ARHGAP40: variants seen among roughly 807,000 people sequenced by gnomAD.
The protein encoded by ARHGAP40 is Rho GTPase activating protein 40.
In ARHGAP40, 43 loss-of-function variants were observed where a neutral mutation model predicts 73.5. The observed-to-expected ratio is 0.58, with a 90% CI of 0.46 to 0.75. The LOEUF (loss-of-function observed/expected upper bound fraction) is 0.75. ARHGAP40 is among the 30% of genes least tolerant of loss of function. ARHGAP40 has a pLI of 0.00. For synonymous variants in ARHGAP40, 300 were observed against 352.8 expected, an observed-to-expected ratio of 0.85 and a Z score of 1.68; for missense variants, 734 against 861.8, an observed-to-expected ratio of 0.85 and a Z score of 1.86.
At chr20:38,624,547 G>A (rs1038802044) in intron 2 of ARHGAP40, among the ~76,000 whole-genome samples, 2 of 152,098 alleles carry the variant, frequency 1.3e-5, no homozygotes, top group African/African-American at 4.8e-5. Context: ...CCTCCTCTCT[G>A]CCTCTTCTCC....
intron 9 of ARHGAP40, among the ~76,000 whole-genome samples, chr20:38,641,060 G>A (rs1233340929): frequency 1.3e-5 from 2 of 150,372 alleles, no homozygotes; most frequent in African/African-American, 2.4e-5. Context: ...GTTGATAAGT[G>A]AGAGAAGGAA....
At chr20:38,612,032 C>T (rs935674982) in intron 1 of ARHGAP40, among the ~76,000 whole-genome samples, 9 of 152,074 alleles carry the variant, frequency 5.9e-5, no homozygotes, top group Non-Finnish European at 1.2e-4. Flanking sequence ...TCTAAAACTT[C>T]TAATATGATC....
intron 1 of ARHGAP40, among the ~76,000 whole-genome samples, chr20:38,604,438 C>T (rs549365101): frequency 6.6e-5 from 10 of 151,462 alleles, no homozygotes; most frequent in South Asian, 2.1e-4. Context: ...CTCCGTTGCC[C>T]AGGCTGGAGT....
chr20:38,639,296 G>C (rs2145611574), exon 9 of ARHGAP40: 2 of 1,305,492 alleles, frequency 1.5e-6, no homozygotes, highest in Non-Finnish European at 2.0e-6. Context: ...TCATCACAAT[G>C]ACGCCTCTGA....
exon 1 of ARHGAP40, chr20:38,601,883 A>G: frequency 7.8e-7 from 1 of 1,285,324 alleles, no homozygotes; most frequent in East Asian, 5.6e-5. Flanking sequence ...CACATTGCCG[A>G]TCGAGTCAGC....
chr20:38,605,760 A>G (rs2088767603), intron 1 of ARHGAP40, among the ~76,000 whole-genome samples: 1 of 152,250 alleles, frequency 6.6e-6, no homozygotes, highest in Non-Finnish European at 1.5e-5. Context: ...AAATGTATCT[A>G]TGATCCAATC....
At position 38,627,271 on chromosome 20, in the gene ARHGAP40, G is replaced by A. The variant is rs564800015; in HGVS notation, c.558+56G>A. 1.4e-5 allele frequency: 18 copies of A among 1,276,068 alleles called. No individual in the cohort carries two copies. In the African/African-American group the frequency reaches 1.5e-4, roughly 11 times the overall value. 79.0% of individuals were successfully genotyped at this position (1,276,068 alleles called of 1,614,324 possible). On this transcript the variant is annotated intron_variant, in intron 3 of 14. Transcript: ENST00000373345. ...GTCTGACTGGGATCTCTGTGCTGCC[G>A]CCACAGCCTGAGAGATGCAGTGATC...
intron 2 of ARHGAP40, among the ~76,000 whole-genome samples, chr20:38,626,791 A>G (rs921268735): frequency 6.6e-6 from 1 of 151,508 alleles, no homozygotes; most frequent in Non-Finnish European, 1.5e-5. Flanking sequence ...TGCTATCAGT[A>G]CCCCCCACCC....
exon 2 of ARHGAP40, chr20:38,623,365 C>G (rs773167468): frequency 2.3e-6 from 3 of 1,288,496 alleles, no homozygotes; most frequent in Non-Finnish European, 3.0e-6. Flanking sequence ...ACAGCTCTGG[C>G]CCCTCCTCAG....
rs1311995793 is a variant in ARHGAP40, at chr20:38,608,300, C to CACTG, written c.137+6225_137+6228dup. Among the ~76,000 whole-genome samples the CACTG allele has an allele frequency of 3.3e-5, 5 of 152,238 alleles. No homozygotes were observed. The East Asian group carries it at 7.7e-4, about 23-fold the overall frequency. ...CATATCTCATTTCCTCCCAGACATT[C>CACTG]ACTGACTTGTTTCTTTAAAACTGAG... On this transcript the variant is annotated intron_variant, in intron 1 of 14. Coordinates refer to ENST00000373345, the Ensembl canonical transcript of ARHGAP40.
intron 1 of ARHGAP40, among the ~76,000 whole-genome samples, chr20:38,608,336 A>G (rs376615789): frequency 3.3e-5 from 5 of 151,330 alleles, no homozygotes; most frequent in Non-Finnish European, 5.9e-5. Flanking sequence ...TTTCAACACC[A>G]CCTCCTCCAG....
Position 38,634,133 on chromosome 20 carries a change from C to T in ARHGAP40, c.784-487C>T, listed in dbSNP as rs569128494. Among the ~76,000 whole-genome samples the T allele has an allele frequency of 3.9e-5, 6 of 152,240 alleles. No homozygotes were observed. The South Asian group carries it at 1.0e-3, about 26-fold the overall frequency. ...TTGGGAGGCTGAGGTGGGAGAATTG[C>T]TTGAGCCCAGGTGTCTGAGACCAGC... On this transcript the variant is annotated intron_variant, in intron 5 of 14. Transcript: ENST00000373345.
Position 38,647,065 on chromosome 20 carries a change from C to G in ARHGAP40, c.1819C>G (p.His607Asp), listed in dbSNP as rs529285732. 4 of 1,305,358 alleles carry G rather than the reference C, an allele frequency of 3.1e-6. No homozygotes were observed. In the East Asian group the frequency reaches 2.2e-4, roughly 72 times the overall value. 80.9% of individuals were successfully genotyped at this position (1,305,358 alleles called of 1,614,324 possible). Residue 607 changes from histidine (H) to aspartate (D), a missense_variant, in exon 13 of 15, where the codon CAC becomes GAC. Coordinates refer to ENST00000373345, the Ensembl canonical transcript of ARHGAP40. The stretch of plus-strand genomic sequence containing the variant: ...CCACGTCCTGAGGCAGTTCACAGAG[C>G]ACCTCAGCCCTGGTTCCAAGGGTCA...
At chr20:38,628,834 A>T in intron 3 of ARHGAP40, 93 bp from the exon 4 acceptor site, 1 of 911,866 alleles carries the variant, frequency 1.1e-6, no homozygotes, top group Non-Finnish European at 1.5e-6. Context: ...CCATCTGTGA[A>T]AAGGGGTTGT....
exon 9 of ARHGAP40, chr20:38,639,382 G>A (rs1415898692): frequency 2.3e-6 from 3 of 1,305,384 alleles, no homozygotes; most frequent in Non-Finnish European, 3.0e-6. Flanking sequence ...TCGCCGTGGT[G>A]CCTAGTGAGT....
At chr20:38,620,894 A>G (rs1247807087) in intron 1 of ARHGAP40, among the ~76,000 whole-genome samples, 6 of 152,244 alleles carry the variant, frequency 3.9e-5, no homozygotes, top group Non-Finnish European at 8.8e-5. Context: ...GCCACAAGCC[A>G]GGGTCTACGG....
In ARHGAP40 at chr20:38,649,737, T is replaced by C; in HGVS notation, c.1937-20T>C. The C allele has an allele frequency of 7.7e-7, 1 of 1,300,092 alleles. No individual in the cohort carries two copies. Among genetic ancestry groups the C allele is most frequent in the Non-Finnish European group, 1.0e-6 (1 of 984,266 alleles). 80.5% of individuals were successfully genotyped at this position (1,300,092 alleles called of 1,614,324 possible). On this transcript the variant is annotated intron_variant, in intron 14 of 14. Transcript: ENST00000373345. The stretch of plus-strand genomic sequence containing the variant: ...TCCTACAGCCTCCCACTCAACCTCC[T>C]TCACCCCTTCTTCCCACAGATGAGC...
intron 9 of ARHGAP40, 127 bp downstream of exon 9, chr20:38,639,513 A>G (rs751305842): frequency 1.0e-5 from 11 of 1,100,782 alleles, no homozygotes; most frequent in Non-Finnish European, 1.3e-5. Context: ...GAAATGTCCA[A>G]CTGATGGGGG....
At chr20:38,608,469 T>A (rs2145592812) in intron 1 of ARHGAP40, among the ~76,000 whole-genome samples, 1 of 152,310 alleles carries the variant, frequency 6.6e-6, no homozygotes, top group South Asian at 2.1e-4. Context: ...AAGGCAGCCT[T>A]GTGTTTTCAT....
Sources: allele counts gnomAD v4.1 joint callset (sites outside exome capture counted in the v4.1 genomes callset), GRCh38; gene constraint gnomAD v4.1.1; transcripts MANE v1.5; gene names NCBI Gene and HGNC (gene_info 2026-07-23, HGNC 2026-07-21).